Variants in TUBAL3 observed in about 807,000 individuals in gnomAD.
The protein encoded by TUBAL3 is tubulin alpha like 3, also known as tubulin alpha chain-like 3.
A neutral mutation model predicts 15.5 loss-of-function variants in TUBAL3; 16 were observed. The ratio of observed to expected loss-of-function variants is 1.04; its 90% CI spans 0.70 to 1.57. TUBAL3 has a LOEUF of 1.57. Ranked by LOEUF, TUBAL3 falls within the 40% of genes most tolerant of loss-of-function variation. TUBAL3 has a pLI of 0.00. For synonymous variants in TUBAL3, 238 were observed against 224.3 expected (o/e 1.06, Z -0.55); for missense variants, 609 against 576.2 (o/e 1.06, Z -0.58).
chr10:5,400,346 C>T (rs572003547), intron 2 of TUBAL3, among the ~76,000 whole-genome samples: 2 of 152,116 alleles, frequency 1.3e-5, no homozygotes, highest in Non-Finnish European at 1.5e-5. Flanking sequence ...AGAAGGCTAA[C>T]CTAGGCCAAG....
Position 5,395,558 on chromosome 10 carries a change from C to G in TUBAL3, c.248-83G>C. On this transcript the variant is annotated intron_variant, in intron 2 of 3. Transcript: ENST00000380419. The surrounding 1 kb of genome is among the most constrained non-coding windows in gnomAD (Gnocchi z 4.6). ...TGCTGCTAGTCCTCCTGGAGCCTCC[C>G]CGTACTTGACTCCCATGCTTTCTCT... is the stretch of plus-strand genomic sequence containing the variant. 3 of 1,304,154 alleles carry G rather than the reference C, an allele frequency of 2.3e-6. No homozygotes were observed. Among genetic ancestry groups the G allele is most frequent in the Non-Finnish European group, 3.0e-6 (3 of 997,250 alleles). The allele number at this position is 1,304,154 out of a possible 1,614,324, so 80.8% of individuals were successfully genotyped here. A position where few individuals can be genotyped will look rare whatever the true frequency, so the allele number is the denominator to read the frequency against.
intron 1 of TUBAL3, among the ~76,000 whole-genome samples, chr10:5,403,382 T>C (rs770136872): frequency 2.0e-5 from 3 of 152,214 alleles, no homozygotes; most frequent in Non-Finnish European, 4.4e-5. Context: ...ACGTTCATTG[T>C]TTCTACATCA....
intron 2 of TUBAL3, among the ~76,000 whole-genome samples, chr10:5,400,369 C>T (rs148609229): frequency 0.014 from 2,179 of 152,260 alleles, 59 homozygotes; most frequent in African/African-American, 0.049. Flanking sequence ...TGGTGGCTCA[C>T]GCCTGTAATC....
rs79010590 is a variant in TUBAL3 at position 5,397,205 on chromosome 10, G to T, written c.248-1730C>A. 2.8e-4 allele frequency among the ~76,000 whole-genome samples: 42 copies of T among 152,104 alleles called. No homozygotes were observed. The highest frequency in any genetic ancestry group is 5.4e-4 in the Non-Finnish European group (37 of 68,024). On this transcript the variant is annotated intron_variant, in intron 2 of 3. Transcript: ENST00000380419. This position sits in a 1 kb window ranked among gnomAD's most constrained non-coding sequence, Gnocchi z 4.9. ...TTGTGTTTCTGTTTAATAAGAGCAC[G>T]ATTGTTTTTCAATTCACCGTGCCTT...
At chr10:5,401,860 C>T (rs949635075) in intron 1 of TUBAL3, among the ~76,000 whole-genome samples, 13 of 152,060 alleles carry the variant, frequency 8.5e-5, no homozygotes, top group Admixed American at 8.5e-4. Flanking sequence ...TCACAAGCAT[C>T]ACAATTCATA....
chr10:5,404,748 G>C (rs782186695), intron 1 of TUBAL3, 42 bp downstream of exon 1: 1 of 1,609,910 alleles, frequency 6.2e-7, no homozygotes, highest in Non-Finnish European at 8.5e-7. Context: ...AATATGATTA[G>C]TAAAATTTCC....
rs139186059 is a variant in TUBAL3, at chr10:5,400,884, C to A, written c.207G>T (p.Val69=). Residue 69 remains valine, a synonymous_variant, in exon 2 of 4, where the codon GTG becomes GTT. Coordinates refer to ENST00000380419, the MANE Select transcript of TUBAL3 (RefSeq NM_024803.3). ...FFCETRAGKH[V]PRALFVDLEP... is the part of the protein sequence containing the mutation. ...CCAAGTCCACGAAGAGTGCTCTAGG[C>A]ACATGCTTCCCAGCTCTTGTCTCAC... The A allele has an allele frequency of 1.6e-5, 26 of 1,614,088 alleles. No homozygotes were observed. Among genetic ancestry groups the A allele is most frequent in the African/African-American group, 4.0e-5 (3 of 74,926 alleles).
rs782455201 is a variant in TUBAL3 at position 5,395,450 on chromosome 10, A to G, written c.273T>C (p.Arg91=). The G allele has an allele frequency of 1.9e-6, 3 of 1,594,934 alleles. No individual in the cohort carries two copies. The highest frequency in any genetic ancestry group is 2.6e-6 in the Non-Finnish European group (3 of 1,168,392). ...GGAGCTGCTCGGGGTGGAAGAGTGAACGGTGCTGGCCCGTCCGGATCCCAT... is the reference window on the plus strand; with the variant it reads ...GGAGCTGCTCGGGGTGGAAGAGTGAGCGGTGCTGGCCCGTCCGGATCCCAT... The part of the protein sequence containing the change: ...VIDGIRTGQH[R]SLFHPEQLLS... The change falls in exon 3 of 4, where the codon CGT becomes CGC. Residue 91 remains arginine, a synonymous_variant. Transcript: ENST00000380419. This position sits in a 1 kb window ranked among gnomAD's most constrained non-coding sequence, Gnocchi z 4.6.
intron 2 of TUBAL3, among the ~76,000 whole-genome samples, chr10:5,398,854 T>C (rs1258351152): frequency 6.6e-6 from 1 of 152,114 alleles, no homozygotes; most frequent in Non-Finnish European, 1.5e-5. Context: ...CCCAGGGAGG[T>C]CAAATTATTG....
rs1554813810 is a variant in TUBAL3 at position 5,394,019 on chromosome 10, G to T, written c.839C>A (p.Ala280Asp). The T allele has an allele frequency of 4.3e-6, 7 of 1,614,088 alleles. No individual in the cohort carries two copies. The highest frequency in any genetic ancestry group is 2.7e-5 in the African/African-American group (2 of 74,924). The change falls in exon 4 of 4, where the codon GCC becomes GAC. Residue 280 changes from alanine to aspartate, a missense_variant. Transcript: ENST00000380419. This position sits in a 1 kb window ranked among gnomAD's most constrained non-coding sequence, Gnocchi z 4.3. ...PRIHFPMTAFAPIVSADKAYH... is the reference protein window; with the variant it reads ...PRIHFPMTAFDPIVSADKAYH... ...GGCTTTGTCAGCAGAGACGATGGGG[G>T]CGAAGGCTGTCATGGGGAAATGTAT...
Position 5,402,626 on chromosome 10 carries a change from G to A in TUBAL3, c.4-1539C>T, listed in dbSNP as rs536006808. Among the ~76,000 whole-genome samples the A allele has an allele frequency of 2.0e-5, 3 of 152,328 alleles. No homozygotes were observed. In the South Asian group the frequency reaches 6.2e-4, roughly 32 times the overall value. On this transcript the variant is annotated intron_variant, in intron 1 of 3. Transcript: ENST00000380419. ...GGGCCACAGACCAGTACCAGTCTGT[G>A]CCCTGTTAGGAACTGGGCTTTACAG... is the stretch of plus-strand genomic sequence containing the variant.
intron 2 of TUBAL3, among the ~76,000 whole-genome samples, chr10:5,399,895 CA>C (rs1483141144): frequency 3.3e-4 from 51 of 152,332 alleles, no homozygotes; most frequent in African/African-American, 9.1e-4. Flanking sequence ...GATTCATGAA[CA>C]AACCAGCAAT....
At chr10:5,403,165 T>G (rs1279601774) in intron 1 of TUBAL3, among the ~76,000 whole-genome samples, 1 of 152,236 alleles carries the variant, frequency 6.6e-6, no homozygotes, top group Non-Finnish European at 1.5e-5. Flanking sequence ...AAGCACTTCA[T>G]TTAGGACAAA....
intron 2 of TUBAL3, among the ~76,000 whole-genome samples, chr10:5,399,286 G>C (rs1166652279): frequency 6.6e-6 from 1 of 152,206 alleles, no homozygotes; most frequent in Admixed American, 6.5e-5. Context: ...TTCATGCGTT[G>C]AATCCCTAAT....
At position 5,394,368 on chromosome 10, in the gene TUBAL3, G is replaced by A. The variant is rs1554813890; in HGVS notation, c.490C>T (p.Leu164Phe). The A allele has an allele frequency of 1.2e-6, 2 of 1,614,084 alleles. No homozygotes were observed. The highest frequency in any genetic ancestry group is 1.7e-6 in the Non-Finnish European group (2 of 1,180,022). The change falls in exon 4 of 4, where the codon CTC (leucine) becomes TTC (phenylalanine). Residue 164 changes from leucine (L) to phenylalanine (F), a missense_variant. Transcript: ENST00000380419. This position sits in a 1 kb window ranked among gnomAD's most constrained non-coding sequence, Gnocchi z 4.3. ...GTCTTTCTGCTATATTCTCCTGTGAGCCTCTCCATTAAGAGAGACGTAAAC... is the reference window on the plus strand; with the variant it reads ...GTCTTTCTGCTATATTCTCCTGTGAACCTCTCCATTAAGAGAGACGTAAAC... ...SGFTSLLMER[L>F]TGEYSRKTKL...
rs1486141261 is a variant in TUBAL3, at chr10:5,397,652, C to A, written c.248-2177G>T. ...GGGGCTTTACTACCCAGCATGGTGCCCTTAATCAATATCCTCAGAGACATC... is the reference window on the plus strand; with the variant it reads ...GGGGCTTTACTACCCAGCATGGTGCACTTAATCAATATCCTCAGAGACATC... On this transcript the variant is annotated intron_variant, in intron 2 of 3. Coordinates refer to ENST00000380419, the MANE Select transcript of TUBAL3 (RefSeq NM_024803.3). The surrounding 1 kb of genome is among the most constrained non-coding windows in gnomAD (Gnocchi z 4.9). Among the ~76,000 whole-genome samples the A allele has an allele frequency of 6.6e-6, 1 of 152,148 alleles. No individual in the cohort carries two copies. The highest frequency in any genetic ancestry group is 1.5e-5 in the Non-Finnish European group (1 of 68,012).
In TUBAL3 at chr10:5,394,476, T is replaced by C; in HGVS notation, c.397-15A>G. On this transcript the variant is annotated splice_polypyrimidine_tract_variant and intron_variant, in intron 3 of 3. Coordinates refer to ENST00000380419, the MANE Select transcript of TUBAL3 (RefSeq NM_024803.3). The surrounding 1 kb of genome is among the most constrained non-coding windows in gnomAD (Gnocchi z 4.3). ...CACTGTTCTGCCTGGAGAAAGTAAA[T>C]GAGATGTGAGAATTCAGCTGAATAA... 1 of 1,566,120 alleles carries C rather than the reference T, an allele frequency of 6.4e-7. No homozygotes were observed. Among genetic ancestry groups the C allele is most frequent in the Non-Finnish European group, 8.6e-7 (1 of 1,157,262 alleles).
intron 2 of TUBAL3, among the ~76,000 whole-genome samples, chr10:5,398,196 G>A (rs1250823925): frequency 1.3e-5 from 2 of 152,048 alleles, no homozygotes; most frequent in African/African-American, 4.8e-5. Flanking sequence ...CGAGGCAGGT[G>A]GATTACTGGA....
intron 1 of TUBAL3, among the ~76,000 whole-genome samples, chr10:5,401,369 AAC>A (rs1269733383): frequency 6.6e-6 from 1 of 152,146 alleles, no homozygotes; most frequent in Non-Finnish European, 1.5e-5. Flanking sequence ...AATTAAGACA[AAC>A]ACACACAATG....
Sources: gnomAD v4.1 joint callset for allele counts (sites outside exome capture counted in the v4.1 genomes callset) on GRCh38, gnomAD v4.1.1 for gene constraint, Gnocchi (gnomAD v3.1) non-coding constraint, MANE v1.5 for transcripts, NCBI Gene and HGNC (gene_info 2026-07-23, HGNC 2026-07-21) for gene names.